Variants in PHGR1 observed in about 807,000 individuals in gnomAD.
The protein encoded by PHGR1 is proline, histidine and glycine-rich protein 1.
Under a neutral mutation model 4.9 loss-of-function variants are expected in PHGR1, and 3 were observed. That is an observed-to-expected ratio of 0.61 (90% CI 0.28 to 1.58). The LOEUF (loss-of-function observed/expected upper bound fraction) is 1.58. Ranked by LOEUF, PHGR1 falls within the 40% of genes most tolerant of loss-of-function variation. The pLI is 0.11. For synonymous variants in PHGR1, 32 were observed against 46.1 expected, an observed-to-expected ratio of 0.69 and a Z score of 1.24; for missense variants, 81 against 118.7, an observed-to-expected ratio of 0.68 and a Z score of 1.48.
rs113357338 is a variant in PHGR1 at position 40,356,070 on chromosome 15, C to A, written c.19-3C>A. 6.5e-7 allele frequency: 1 copy of A among 1,549,834 alleles called. No homozygotes were observed. Among genetic ancestry groups the A allele is most frequent in the South Asian group, 1.2e-5 (1 of 84,060 alleles). On this transcript the variant is annotated splice_polypyrimidine_tract_variant and splice_region_variant and intron_variant, in intron 3 of 3. Coordinates refer to ENST00000448599, the MANE Select transcript of PHGR1 (RefSeq NM_001145643.2). ...CTGACATTGTTCATTTGACTTTCCA[C>A]AGGGGCACTGCCACTGTGGGGGGCA...
intron 3 of PHGR1, 33 bp from the exon 4 acceptor site, chr15:40,356,040 T>C: frequency 6.5e-7 from 1 of 1,544,768 alleles, no homozygotes; most frequent in Non-Finnish European, 8.8e-7. Flanking sequence ...CCCTGACCTC[T>C]GACTCTGACA....
intron 1 of PHGR1, 144 bp from the exon 2 acceptor site, chr15:40,353,088 T>C (rs1889229938): frequency 1.1e-6 from 1 of 916,486 alleles, no homozygotes; most frequent in African/African-American, 1.7e-5. Context: ...GGGAGCAGTT[T>C]TTTCCCTTTC....
intron 3 of PHGR1, among the ~76,000 whole-genome samples, 181 bp downstream of exon 3, chr15:40,354,533 AC>A: frequency 6.6e-6 from 1 of 150,964 alleles, no homozygotes; most frequent in East Asian, 2.0e-4. Context: ...GCACTCCTCC[AC>A]CCCCTGCTGG....
intron 1 of PHGR1, among the ~76,000 whole-genome samples, chr15:40,351,990 G>A (rs977829250): frequency 1.3e-5 from 2 of 152,088 alleles, no homozygotes; most frequent in African/African-American, 4.8e-5. Flanking sequence ...ACCCATCTAG[G>A]CCTCCCAAAG....
intron 3 of PHGR1, among the ~76,000 whole-genome samples, chr15:40,355,148 G>A (rs911588743): frequency 2.0e-5 from 3 of 151,428 alleles, no homozygotes; most frequent in African/African-American, 7.3e-5. Context: ...CTGCCCCCTG[G>A]GCTTGTGGCA....
intron 1 of PHGR1, among the ~76,000 whole-genome samples, chr15:40,351,588 T>A (rs560528979): frequency 6.6e-6 from 1 of 152,094 alleles, no homozygotes; most frequent in Non-Finnish European, 1.5e-5. Flanking sequence ...GCTGAACACT[T>A]TGAGTACAAG....
intron 1 of PHGR1, 86 bp from the exon 2 acceptor site, chr15:40,353,146 T>TGTGA: frequency 3.9e-6 from 3 of 775,200 alleles, no homozygotes; most frequent in African/African-American, 3.9e-5. Context: ...TGTGTGTGTG[T>TGTGA]GCGCGCGCGC....
chr15:40,352,789 C>T (rs1187811963), intron 1 of PHGR1, among the ~76,000 whole-genome samples: 1 of 152,210 alleles, frequency 6.6e-6, no homozygotes, highest in African/African-American at 2.4e-5. Flanking sequence ...GATGTTTACA[C>T]AAGACAAGAG....
At chr15:40,355,233 G>T (rs1377172764) in intron 3 of PHGR1, among the ~76,000 whole-genome samples, 1 of 151,732 alleles carries the variant, frequency 6.6e-6, no homozygotes, top group African/African-American at 2.4e-5. Flanking sequence ...CAGCCAAGAT[G>T]GAAGGTTAAA....
chr15:40,355,955 A>G (rs1055118650), intron 3 of PHGR1, 118 bp from the exon 4 acceptor site: 11 of 1,100,918 alleles, frequency 1.0e-5, no homozygotes, highest in Non-Finnish European at 1.5e-5. Flanking sequence ...CTCCACCGCA[A>G]CTCCTTACTT....
chr15:40,354,369 A>G lies in PHGR1; in HGVS notation c.18+17A>G, dbSNP rs1394387979. 2 of 1,534,368 alleles carry G rather than the reference A, an allele frequency of 1.3e-6. No individual in the cohort carries two copies. The highest frequency in any genetic ancestry group is 2.7e-5 in the African/African-American group (2 of 72,916). On this transcript the variant is annotated intron_variant, in intron 3 of 3. Transcript: ENST00000448599. ...GGTCCGAAGGTAGGAAAGTTCCCCC[A>G]ATGGTCTCCCCTTTTTCCTCCCACT...
chr15:40,353,142 TGTGTGC>T (rs1169278613), intron 1 of PHGR1, 84 bp from the exon 2 acceptor site: 303 of 940,494 alleles, frequency 3.2e-4, no homozygotes, highest in Non-Finnish European at 3.7e-4. Context: ...TGTGTGTGTG[TGTGTGC>T]GCGCGCGCGC....
In PHGR1 at chr15:40,353,230, A is replaced by G; in HGVS notation, c.-26-2A>G. On this transcript the variant is annotated splice_acceptor_variant, in intron 1 of 3. Transcript: ENST00000448599. LOFTEE classifies it low-confidence loss of function (5UTR_SPLICE). ...AAATTAAAAGTTACCTTTTGAACAC[A>G]GGTATTCCCTGCTCTTACTCCAAAA... 1 of 1,551,418 alleles carries G rather than the reference A, an allele frequency of 6.4e-7. No individual in the cohort carries two copies. Among genetic ancestry groups the G allele is most frequent in the Non-Finnish European group, 8.7e-7 (1 of 1,146,826 alleles).
chr15:40,353,215 T>A lies in PHGR1; in HGVS notation c.-26-17T>A. On this transcript the variant is annotated splice_polypyrimidine_tract_variant and intron_variant, in intron 1 of 3. Transcript: ENST00000448599. ...AATTTAGATTACAGTAAATTAAAAG[T>A]TACCTTTTGAACACAGGTATTCCCT... 3.9e-6 allele frequency: 6 copies of A among 1,548,612 alleles called. No individual in the cohort carries two copies. The highest frequency in any genetic ancestry group is 5.2e-6 in the Non-Finnish European group (6 of 1,145,152).
intron 1 of PHGR1, among the ~76,000 whole-genome samples, chr15:40,351,805 C>T (rs1309712409): frequency 6.6e-6 from 1 of 152,070 alleles, no homozygotes; most frequent in African/African-American, 2.4e-5. Flanking sequence ...GCTGCAATCT[C>T]GGCTCACTGC....
chr15:40,353,094 C>T (rs1156382764), intron 1 of PHGR1, 138 bp from the exon 2 acceptor site: 23 of 956,804 alleles, frequency 2.4e-5, no homozygotes, highest in Non-Finnish European at 3.4e-5. Flanking sequence ...AGTTTTTTCC[C>T]TTTCTTCCTT....
rs1566911298 is a variant in PHGR1 at position 40,353,159 on chromosome 15, G to GCA, written c.-26-72_-26-71dup. ...TGTGTGTGTGTGTGCGCGCGCGCGC[G>GCA]CATCCGTGGGAGGGAGAAAGGAAAG... On this transcript the variant is annotated intron_variant, in intron 1 of 3. Transcript: ENST00000448599. The GCA allele has an allele frequency of 2.8e-5, 38 of 1,344,700 alleles. No individual in the cohort carries two copies. The Admixed American group carries it at 5.4e-4, about 19-fold the overall frequency. The allele number at this position is 1,344,700 out of a possible 1,614,324, so 83.3% of individuals were successfully genotyped here. A position where few individuals can be genotyped will look rare whatever the true frequency, so the allele number is the denominator to read the frequency against.
intron 2 of PHGR1, 46 bp from the exon 3 acceptor site, chr15:40,354,299 C>A: frequency 2.0e-6 from 3 of 1,521,244 alleles, no homozygotes; most frequent in Non-Finnish European, 2.6e-6. Context: ...TACTGCAGAA[C>A]CAAATGACCA....
In PHGR1 at chr15:40,356,065, T is replaced by A; in HGVS notation, c.19-8T>A. 1 of 1,549,416 alleles carries A rather than the reference T, an allele frequency of 6.5e-7. No individual in the cohort carries two copies. Among genetic ancestry groups the A allele is most frequent in the Non-Finnish European group, 8.7e-7 (1 of 1,146,318 alleles). On this transcript the variant is annotated splice_polypyrimidine_tract_variant and splice_region_variant and intron_variant, in intron 3 of 3. Coordinates refer to ENST00000448599, the MANE Select transcript of PHGR1 (RefSeq NM_001145643.2). Reference sequence around the variant, plus strand: ...TGACTCTGACATTGTTCATTTGACTTTCCACAGGGGCACTGCCACTGTGGG... The same window carrying A: ...TGACTCTGACATTGTTCATTTGACTATCCACAGGGGCACTGCCACTGTGGG...
Sources: allele counts gnomAD v4.1 joint callset (sites outside exome capture counted in the v4.1 genomes callset), GRCh38; gene constraint gnomAD v4.1.1; transcripts MANE v1.5; gene names NCBI Gene and HGNC (gene_info 2026-07-23, HGNC 2026-07-21).